The following P4HA1 variants were observed in gnomAD, a reference collection of about 807,000 sequenced individuals.
The protein encoded by P4HA1 is prolyl 4-hydroxylase subunit alpha-1.
P4HA1 carries 24 observed loss-of-function variants against 72.8 expected under a neutral mutation model. The ratio of observed to expected loss-of-function variants is 0.33; its 90% CI spans 0.24 to 0.46. The LOEUF (loss-of-function observed/expected upper bound fraction) is 0.46, where lower values mean the gene tolerates loss of function less well. P4HA1 is among the 20% of genes least tolerant of loss of function. The probability of loss-of-function intolerance (pLI) is 1.00; values close to 1 mark genes in which losing one functional copy is unlikely to be tolerated. For missense variants in P4HA1, 446 were observed against 640.6 expected (o/e 0.70, Z 3.28); for synonymous variants, 201 against 218.8 (o/e 0.92, Z 0.72).
chr10:73,039,930 C>G (rs1397970450), intron 9 of P4HA1, among the ~76,000 whole-genome samples: 2 of 141,914 alleles, frequency 1.4e-5, no homozygotes, highest in Non-Finnish European at 3.0e-5. Context: ...GGTGCAATCT[C>G]AGCTCACTGC....
intron 3 of P4HA1, among the ~76,000 whole-genome samples, chr10:73,072,988 G>A (rs1401530606): frequency 1.3e-5 from 2 of 151,866 alleles, no homozygotes; most frequent in Non-Finnish European, 2.9e-5. Context: ...TGGCCAACAT[G>A]GCAAAACCCC....
chr10:73,092,580 ACTC>A (rs1291924572), intron 1 of P4HA1, among the ~76,000 whole-genome samples: 7 of 146,878 alleles, frequency 4.8e-5, no homozygotes, highest in African/African-American at 1.7e-4. Context: ...CTGGTCTTGA[ACTC>A]CTGGCCTCAA....
At chr10:73,048,709 A>T (rs1184815253) in intron 7 of P4HA1, among the ~76,000 whole-genome samples, 1 of 152,226 alleles carries the variant, frequency 6.6e-6, no homozygotes, top group African/African-American at 2.4e-5. Context: ...CTTACTGCGG[A>T]AATTTGAACA....
intron 10 of P4HA1, among the ~76,000 whole-genome samples, chr10:73,025,262 T>G (rs570373159): frequency 6.6e-6 from 1 of 152,274 alleles, no homozygotes; most frequent in African/African-American, 2.4e-5. Flanking sequence ...AAAAAGCTTA[T>G]CCACCACAAT....
intron 9 of P4HA1, among the ~76,000 whole-genome samples, chr10:73,034,013 C>A (rs1383359151): frequency 6.6e-6 from 1 of 152,060 alleles, no homozygotes; most frequent in African/African-American, 2.4e-5. Context: ...AGTTCAAGAC[C>A]AGTCTCGGCA....
chr10:73,056,221 TAAGG>T (rs1254442072), intron 5 of P4HA1, among the ~76,000 whole-genome samples: 1 of 152,178 alleles, frequency 6.6e-6, no homozygotes, highest in East Asian at 1.9e-4. Flanking sequence ...AGCGAGGAAA[TAAGG>T]AATATATAGG....
chr10:73,081,897 T>C (rs186933699), intron 1 of P4HA1, among the ~76,000 whole-genome samples: 139 of 152,216 alleles, frequency 9.1e-4, no homozygotes, highest in African/African-American at 1.0e-3. Flanking sequence ...GTGCCTCCAA[T>C]TCCAGTAACT....
chr10:73,068,995 T>C lies in P4HA1; in HGVS notation c.326-12A>G. On this transcript the variant is annotated splice_polypyrimidine_tract_variant and intron_variant, in intron 4 of 14. Coordinates refer to ENST00000394890, the MANE Select transcript of P4HA1 (RefSeq NM_001017962.3). The stretch of plus-strand genomic sequence containing the variant: ...GTTAGAGATAAAGCCTTGAAATAGA[T>C]AAATCAAAGAAAAAAAAACTGTAGA... 1.3e-6 allele frequency: 2 copies of C among 1,590,812 alleles called. No individual in the cohort carries two copies. The highest frequency in any genetic ancestry group is 2.2e-5 in the East Asian group (1 of 44,682).
At chr10:73,059,579 TAA>T (rs1841259719) in intron 5 of P4HA1, among the ~76,000 whole-genome samples, 3 of 149,014 alleles carry the variant, frequency 2.0e-5, no homozygotes, top group African/African-American at 7.4e-5. Context: ...CCATCTCTAC[TAA>T]AAATACAAAA....
intron 1 of P4HA1, among the ~76,000 whole-genome samples, chr10:73,093,907 T>TATATACATAC (rs1256283876): frequency 2.2e-4 from 12 of 55,610 alleles, no homozygotes; most frequent in South Asian, 8.7e-4. Context: ...TATATATATA[T>TATATACATAC]ACACACACAC....
chr10:73,021,476 C>T (rs924158158), intron 10 of P4HA1, among the ~76,000 whole-genome samples: 7 of 152,296 alleles, frequency 4.6e-5, no homozygotes, highest in East Asian at 1.9e-4. Flanking sequence ...TAATGAAACA[C>T]TATTCAGCCA....
intron 5 of P4HA1, chr10:73,065,426 AAAAG>A (rs1841397386): frequency 6.6e-6 from 1 of 152,250 alleles, no homozygotes; most frequent in African/African-American, 2.4e-5. Context: ...CCAAAGAGGC[AAAAG>A]AAACAGATGA....
intron 1 of P4HA1, among the ~76,000 whole-genome samples, chr10:73,089,892 A>G (rs2133166818): frequency 6.6e-6 from 1 of 152,308 alleles, no homozygotes; most frequent in Admixed American, 6.5e-5. Context: ...GCTAGAGTGC[A>G]GTAGCGTGAT....
chr10:73,023,851 TCAAA>T (rs1037152013), intron 10 of P4HA1, among the ~76,000 whole-genome samples: 5 of 147,576 alleles, frequency 3.4e-5, no homozygotes, highest in African/African-American at 5.0e-5. Context: ...TAGTCTCTGA[TCAAA>T]CAGACTTTAA....
At chr10:73,008,350 G>A in intron 14 of P4HA1, 58 bp from the exon 15 acceptor site, 1 of 1,089,188 alleles carries the variant, frequency 9.2e-7, no homozygotes. Context: ...TATTTAATTA[G>A]TTTCTAAAAG....
At chr10:73,071,053 G>A (rs1841548848) in intron 4 of P4HA1, among the ~76,000 whole-genome samples, 1 of 151,872 alleles carries the variant, frequency 6.6e-6, no homozygotes, top group Non-Finnish European at 1.5e-5. Flanking sequence ...TGGCGTGGTG[G>A]TCTATGCTTG....
At chr10:73,077,789 C>T (rs150313945) in intron 1 of P4HA1, among the ~76,000 whole-genome samples, 225 of 149,184 alleles carry the variant, frequency 1.5e-3, no homozygotes, top group African/African-American at 5.2e-3. Flanking sequence ...GAGACCAGGC[C>T]GGGCAACATA....
chr10:73,063,267 C>T (rs1043510072), intron 5 of P4HA1, among the ~76,000 whole-genome samples: 2 of 152,190 alleles, frequency 1.3e-5, no homozygotes, highest in Non-Finnish European at 2.9e-5. Context: ...TCTCCACTTC[C>T]AAGATGGCAC....
intron 1 of P4HA1, among the ~76,000 whole-genome samples, chr10:73,088,004 T>A (rs1841957979): frequency 6.6e-6 from 1 of 152,158 alleles, no homozygotes; most frequent in Non-Finnish European, 1.5e-5. Context: ...TCAAAAATAT[T>A]TTTGTCCTAT....
Sources: gnomAD v4.1 joint callset for allele counts (sites outside exome capture counted in the v4.1 genomes callset) on GRCh38, gnomAD v4.1.1 for gene constraint, MANE v1.5 for transcripts, NCBI Gene and HGNC (gene_info 2026-07-23, HGNC 2026-07-21) for gene names.